Variants in GPC5 observed in about 807,000 individuals in gnomAD.
GPC5 encodes glypican 5.
In GPC5, 47 loss-of-function variants were observed where a neutral mutation model predicts 53.9. The ratio of observed to expected loss-of-function variants is 0.87; its 90% CI spans 0.69 to 1.11. The LOEUF is 1.11. Among genes scored for constraint, GPC5 ranks in the 50% most tolerant of loss-of-function variants. The pLI is 0.00. For synonymous variants in GPC5, 286 were observed against 263.3 expected, an observed-to-expected ratio of 1.09 and a Z score of -0.84; for missense variants, 748 against 713.1, an observed-to-expected ratio of 1.05 and a Z score of -0.56.
intron 6 of GPC5, among the ~76,000 whole-genome samples, chr13:91,978,085 G>A (rs2040323648): frequency 6.6e-6 from 1 of 152,152 alleles, no homozygotes; most frequent in African/African-American, 2.4e-5. Flanking sequence ...AGCCCAGGAG[G>A]TCGAGGCTGC....
At chr13:92,453,661 T>C (rs1878153906) in intron 7 of GPC5, among the ~76,000 whole-genome samples, 1 of 152,230 alleles carries the variant, frequency 6.6e-6, no homozygotes, top group African/African-American at 2.4e-5. Context: ...GAAATCAGAC[T>C]GTCTTTTCTC....
At chr13:92,128,773 G>A (rs558377157) in intron 6 of GPC5, among the ~76,000 whole-genome samples, 2 of 152,190 alleles carry the variant, frequency 1.3e-5, no homozygotes, top group South Asian at 4.2e-4. Flanking sequence ...GACTATCCTG[G>A]CCAACATGGT....
intron 7 of GPC5, among the ~76,000 whole-genome samples, chr13:92,751,300 A>AT (rs370232286): frequency 4.2e-5 from 4 of 96,206 alleles, no homozygotes; most frequent in Non-Finnish European, 8.6e-5. Context: ...ATCCAGAAAC[A>AT]TTTAAAAAAA....
At chr13:91,536,282 C>A (rs1238707791) in intron 2 of GPC5, among the ~76,000 whole-genome samples, 4 of 152,116 alleles carry the variant, frequency 2.6e-5, no homozygotes, top group Non-Finnish European at 5.9e-5. Context: ...ACTCAGGGAG[C>A]AGTTGACGAA....
chr13:92,565,488 T>C (rs184202005), intron 7 of GPC5, among the ~76,000 whole-genome samples: 2 of 152,188 alleles, frequency 1.3e-5, no homozygotes, highest in African/African-American at 4.8e-5. Context: ...GTCTCACATA[T>C]AGCTTTTTTT....
intron 7 of GPC5, among the ~76,000 whole-genome samples, chr13:92,436,131 T>G (rs1877295226): frequency 6.6e-6 from 1 of 152,184 alleles, no homozygotes; most frequent in Admixed American, 6.6e-5. Flanking sequence ...GACAATATCA[T>G]CCATTAATGT....
chr13:92,757,103 A>G (rs1334985633), intron 7 of GPC5, among the ~76,000 whole-genome samples: 15 of 152,066 alleles, frequency 9.9e-5, no homozygotes, highest in Non-Finnish European at 2.2e-4. Flanking sequence ...TACAGTAACC[A>G]AAACAGCATG....
At chr13:92,013,998 T>A (rs542118786) in intron 6 of GPC5, among the ~76,000 whole-genome samples, 1 of 152,256 alleles carries the variant, frequency 6.6e-6, no homozygotes, top group East Asian at 1.9e-4. Context: ...TCTGTAATAA[T>A]CATGTTTATT....
chr13:92,602,733 C>T (rs985852232), intron 7 of GPC5, among the ~76,000 whole-genome samples: 7 of 152,070 alleles, frequency 4.6e-5, no homozygotes, highest in Non-Finnish European at 1.0e-4. Context: ...GGTCAGTAAC[C>T]TAATTATCTA....
intron 7 of GPC5, among the ~76,000 whole-genome samples, chr13:92,418,183 C>T (rs75790228): frequency 0.011 from 1,731 of 152,154 alleles, 34 homozygotes; most frequent in African/African-American, 0.039. Flanking sequence ...TGAGTGACTG[C>T]TAATGGGCAT....
chr13:91,998,300 A>G (rs2040523138), intron 6 of GPC5, among the ~76,000 whole-genome samples: 1 of 151,944 alleles, frequency 6.6e-6, no homozygotes, highest in Non-Finnish European at 1.5e-5. Context: ...ACCTGATCCA[A>G]CTCCTTCCAC....
chr13:91,535,563 C>A (rs1021319325), intron 2 of GPC5, among the ~76,000 whole-genome samples: 1 of 151,776 alleles, frequency 6.6e-6, no homozygotes, highest in African/African-American at 2.4e-5. Flanking sequence ...TTCAAAAAAC[C>A]AATTATTCCT....
intron 2 of GPC5, among the ~76,000 whole-genome samples, chr13:91,663,858 T>A (rs2035042953): frequency 6.6e-6 from 1 of 152,180 alleles, no homozygotes; most frequent in Admixed American, 6.5e-5. Flanking sequence ...AAATAAATTT[T>A]AACAGATGGG....
chr13:91,651,232 A>AT (rs61596864), intron 2 of GPC5, among the ~76,000 whole-genome samples: 40,541 of 151,464 alleles, frequency 0.27, 7,531 homozygotes, highest in African/African-American at 0.53. Flanking sequence ...TTACAGACAC[A>AT]TTTTTTTTTC....
At chr13:91,974,830 G>A (rs1347648466) in intron 6 of GPC5, among the ~76,000 whole-genome samples, 1 of 152,126 alleles carries the variant, frequency 6.6e-6, no homozygotes, top group Non-Finnish European at 1.5e-5. Flanking sequence ...TAAGCCAAAA[G>A]AACAAAGCCG....
intron 2 of GPC5, among the ~76,000 whole-genome samples, chr13:91,525,317 T>C (rs1886035633): frequency 6.6e-6 from 1 of 152,190 alleles, no homozygotes; most frequent in Non-Finnish European, 1.5e-5. Flanking sequence ...TATGACAAGA[T>C]CTTATATGCC....
intron 1 of GPC5, among the ~76,000 whole-genome samples, chr13:91,439,916 A>G (rs1039900783): frequency 1.3e-5 from 2 of 152,224 alleles, no homozygotes; most frequent in African/African-American, 4.8e-5. Context: ...TCAAGCTGCT[A>G]TCATCATTGC....
At chr13:91,959,177 A>T (rs953223695) in intron 6 of GPC5, among the ~76,000 whole-genome samples, 24 of 145,994 alleles carry the variant, frequency 1.6e-4, no homozygotes, top group African/African-American at 5.3e-4. Flanking sequence ...ATTAACCAAT[A>T]AAAAAAAGAC....
At position 92,284,232 on chromosome 13, in the gene GPC5, T is replaced by C. The variant is rs1427681223; in HGVS notation, c.1561+139243T>C. On this transcript the variant is annotated intron_variant, in intron 7 of 7. Coordinates refer to ENST00000377067, the MANE Select transcript of GPC5 (RefSeq NM_004466.6). Reference sequence around the variant, plus strand: ...AATAGACCAATAACAGGCTCTGAAATTGAGTCAATAATTAATAGCCTACCA... The same window carrying C: ...AATAGACCAATAACAGGCTCTGAAACTGAGTCAATAATTAATAGCCTACCA... Among the ~76,000 whole-genome samples the C allele has an allele frequency of 2.6e-5, 4 of 152,194 alleles. No homozygotes were observed. In the East Asian group the frequency reaches 7.7e-4, roughly 29 times the overall value.
Sources: gnomAD v4.1 joint callset for allele counts (sites outside exome capture counted in the v4.1 genomes callset) on GRCh38, gnomAD v4.1.1 for gene constraint, MANE v1.5 for transcripts, NCBI Gene and HGNC (gene_info 2026-07-23, HGNC 2026-07-21) for gene names.